The following ZNF516 variants were observed in gnomAD, a reference collection of about 807,000 sequenced individuals.
ZNF516 encodes zinc finger protein 516.
Under a neutral mutation model 79.7 loss-of-function variants are expected in ZNF516, and 19 were observed. The ratio of observed to expected loss-of-function variants is 0.24; its 90% confidence interval spans 0.17 to 0.35. The LOEUF (loss-of-function observed/expected upper bound fraction) is 0.35. Among genes scored for constraint, ZNF516 ranks in the 10% least tolerant of loss-of-function variants. The pLI, the probability that ZNF516 is intolerant of heterozygous loss-of-function variation, is 1.00. For missense variants in ZNF516, 1,678 were observed against 1,679.5 expected, an observed-to-expected ratio of 1.00 and a Z score of 0.02; for synonymous variants, 877 against 739.5, an observed-to-expected ratio of 1.19 and a Z score of -3.02.
intron 1 of ZNF516, among the ~76,000 whole-genome samples, chr18:76,468,112 C>T (rs1913601263): frequency 1.3e-5 from 2 of 152,210 alleles, no homozygotes; most frequent in Non-Finnish European, 2.9e-5. Flanking sequence ...GATTCTCTGG[C>T]TCTGATGGAT....
At position 76,451,369 on chromosome 18, in the gene ZNF516, C is replaced by T. The variant is rs1912402879; in HGVS notation, c.-157-8158G>A. Reference sequence around the variant, plus strand: ...GTCCGCGGGTGCAGGGGGGTGACAGCCCGGTCCTGCGCACATCTCCGCTGA... The same window carrying T: ...GTCCGCGGGTGCAGGGGGGTGACAGTCCGGTCCTGCGCACATCTCCGCTGA... On this transcript the variant is annotated intron_variant, in intron 2 of 6. Transcript: ENST00000443185. This position sits in a 1 kb window ranked among gnomAD's most constrained non-coding sequence, Gnocchi z 6.0. 6.6e-6 allele frequency among the ~76,000 whole-genome samples: 1 copy of T among 152,168 alleles called. No homozygotes were observed. The highest frequency in any genetic ancestry group is 2.4e-5 in the African/African-American group (1 of 41,430).
chr18:76,383,061 C>G (rs1211458567), intron 3 of ZNF516, among the ~76,000 whole-genome samples: 1 of 135,920 alleles, frequency 7.4e-6, no homozygotes, highest in Non-Finnish European at 1.6e-5. Flanking sequence ...AAAAAAAAAG[C>G]GCATGGTCTA....
In ZNF516 at chr18:76,441,961, G is replaced by A. The variant is rs930040861; in HGVS notation, c.1094C>T (p.Thr365Met). ...CGCCCCCTCCTCGGCCGGGGCGCGC[G>A]TGCGGCTGGCCTCGACTCTGCGGTG... ...AIHRRVEASR[T>M]RAPAEEGAEG... The change falls in exon 3 of 7, where the codon ACG (threonine) becomes ATG (methionine). Residue 365 changes from threonine to methionine, a missense_variant. This residue lies in a region of ZNF516 where 1,294 missense variants were observed against 1,248.3 expected (regional missense o/e 1.04). Coordinates refer to ENST00000443185, the MANE Select transcript of ZNF516 (RefSeq NM_014643.4). 10 of 1,612,284 alleles carry A rather than the reference G, an allele frequency of 6.2e-6. No homozygotes were observed. Among genetic ancestry groups the A allele is most frequent in the African/African-American group, 4.0e-5 (3 of 74,934 alleles).
At chr18:76,386,154 C>G (rs571631169) in intron 3 of ZNF516, 1 of 152,342 alleles carries the variant, frequency 6.6e-6, no homozygotes, top group East Asian at 1.9e-4. Context: ...GTCTGCCCAC[C>G]TGGCCTCTCT....
chr18:76,483,059 C>G (rs532830095), intron 1 of ZNF516, among the ~76,000 whole-genome samples: 7 of 152,140 alleles, frequency 4.6e-5, no homozygotes, highest in Non-Finnish European at 8.8e-5. Context: ...GAAAAGAAAT[C>G]TAGGGTGTTG....
rs1404733646 is a variant in ZNF516, at chr18:76,442,730, C to T, written c.325G>A (p.Glu109Lys). 6.3e-7 allele frequency: 1 copy of T among 1,580,574 alleles called. No individual in the cohort carries two copies. The change falls in exon 3 of 7, where the codon GAG becomes AAG. Residue 109 changes from glutamate (E) to lysine (K), a missense_variant. Around this residue, in one of 5 missense-constraint regions of ZNF516, gnomAD observed 279 missense variants for 254.1 expected, o/e 1.10. Transcript: ENST00000443185. ...GGGCTGGCGCAGGCGTCCAGGCCCT[C>T]GGAGGCGCGCATCTCACCCAGCGGC... ...EAPLGEMRAS[E>K]GLDACASPTK...
At chr18:76,378,296 T>C (rs911517269) in intron 4 of ZNF516, 1 of 152,196 alleles carries the variant, frequency 6.6e-6, no homozygotes, top group Non-Finnish European at 1.5e-5. Flanking sequence ...TTCAGGAATT[T>C]TTGCACAAAT....
intron 3 of ZNF516, among the ~76,000 whole-genome samples, chr18:76,409,158 C>T (rs1197295594): frequency 7.1e-6 from 1 of 141,512 alleles, no homozygotes; most frequent in Non-Finnish European, 1.6e-5. Flanking sequence ...AGCAAGAGAA[C>T]GATTCCAGGG....
rs376075184 is a variant in ZNF516 at position 76,379,143 on chromosome 18, C to T, written c.2971G>A (p.Glu991Lys). The part of the protein sequence containing the change: ...QPQGPPPAKG[E>K]GGAPPLPPRE... ...GGAGGTAGAGGAGGAGCGCCCCCTT[C>T]GCCCTTTGCAGGAGGTGGACCCTGA... The change falls in exon 4 of 7, where the codon GAA becomes AAA. Residue 991 changes from glutamate to lysine, a missense_variant. This residue lies in a region of ZNF516 where 1,294 missense variants were observed against 1,248.3 expected (regional missense o/e 1.04). Coordinates refer to ENST00000443185, the MANE Select transcript of ZNF516 (RefSeq NM_014643.4). The T allele has an allele frequency of 6.8e-6, 11 of 1,612,852 alleles. No individual in the cohort carries two copies. The highest frequency in any genetic ancestry group is 1.7e-4 in the Middle Eastern group (1 of 6,060).
At chr18:76,478,987 C>T (rs564076678) in intron 1 of ZNF516, among the ~76,000 whole-genome samples, 2 of 151,408 alleles carry the variant, frequency 1.3e-5, no homozygotes, top group East Asian at 1.9e-4. Context: ...ACCTGGGAGG[C>T]GAAGGTTGCA....
chr18:76,461,540 G>A (rs1913110401), intron 2 of ZNF516, among the ~76,000 whole-genome samples: 1 of 152,226 alleles, frequency 6.6e-6, no homozygotes, highest in African/African-American at 2.4e-5. Flanking sequence ...TTTGGGGGTG[G>A]AAGGAGTCAT....
At chr18:76,422,444 T>C (rs1451614776) in intron 3 of ZNF516, among the ~76,000 whole-genome samples, 1 of 152,148 alleles carries the variant, frequency 6.6e-6, no homozygotes, top group South Asian at 2.1e-4. Context: ...AAGCTAAATG[T>C]AGGATTCAGA....
intron 3 of ZNF516, among the ~76,000 whole-genome samples, chr18:76,384,440 C>A (rs1291901698): frequency 3.0e-5 from 4 of 134,860 alleles, no homozygotes; most frequent in Non-Finnish European, 6.5e-5. Flanking sequence ...GTTCTCACGC[C>A]CCGTCCACGC....
chr18:76,441,340 C>A lies in ZNF516; in HGVS notation c.1715G>T (p.Gly572Val). The A allele has an allele frequency of 6.2e-7, 1 of 1,611,698 alleles. No individual in the cohort carries two copies. The highest frequency in any genetic ancestry group is 8.5e-7 in the Non-Finnish European group (1 of 1,179,510). Residue 572 changes from glycine to valine, a missense_variant, in exon 3 of 7, where the codon GGC (glycine) becomes GTC (valine). Gly to Val is a moderately radical substitution (Grantham distance 109). Coordinates refer to ENST00000443185, the MANE Select transcript of ZNF516 (RefSeq NM_014643.4). The part of the protein sequence containing the change: ...GDSASQPSSP[G>V]SACAAADSPG... ...GGAGTCAGCAGCGGCACAGGCGGAGCCAGGGCTGCTGGGCTGGGAGGCCGA... is the reference window on the plus strand; with the variant it reads ...GGAGTCAGCAGCGGCACAGGCGGAGACAGGGCTGCTGGGCTGGGAGGCCGA...
In ZNF516 at chr18:76,394,723, GC is replaced by G. The variant is rs1259530884; in HGVS notation, c.1811-14421del. The stretch of plus-strand genomic sequence containing the variant: ...GGGGAAGGCAGGTGGTCAGGTGGGG[GC>G]AGGGCGGGTGGTCAGGTGGGGGGAG... On this transcript the variant is annotated intron_variant, in intron 3 of 6. Transcript: ENST00000443185. 2.1e-3 allele frequency among the ~76,000 whole-genome samples: 2 copies of G among 932 alleles called. 1 individual carries two copies. The highest frequency in any genetic ancestry group is 4.5e-3 in the Non-Finnish European group (2 of 444). The allele number at this position is 932 out of a possible 152,430, so 0.6% of individuals were successfully genotyped here. A position where few individuals can be genotyped will look rare whatever the true frequency, so the allele number is the denominator to read the frequency against.
At chr18:76,366,440 G>A (rs181385984) in intron 6 of ZNF516, among the ~76,000 whole-genome samples, 17 of 152,262 alleles carry the variant, frequency 1.1e-4, no homozygotes, top group Admixed American at 3.9e-4. Context: ...TCAAACTCAC[G>A]GTTTTCCTGC....
chr18:76,418,106 G>T (rs146147544), intron 3 of ZNF516, among the ~76,000 whole-genome samples: 88 of 152,230 alleles, frequency 5.8e-4, no homozygotes, highest in African/African-American at 2.1e-3. Context: ...CACTGTAACA[G>T]ACTGTAACAT....
chr18:76,378,169 T>G (rs1464458623), intron 4 of ZNF516: 2 of 152,256 alleles, frequency 1.3e-5, no homozygotes. Flanking sequence ...GGGCACCGCA[T>G]GCAGTGCGCG....
intron 3 of ZNF516, among the ~76,000 whole-genome samples, chr18:76,413,153 T>A (rs1036646280): frequency 4.6e-5 from 7 of 152,318 alleles, no homozygotes; most frequent in East Asian, 1.9e-4. Flanking sequence ...TCCCATTTTT[T>A]AAAAAAGATT....
Sources: gnomAD v4.1 joint callset for allele counts (sites outside exome capture counted in the v4.1 genomes callset) on GRCh38, gnomAD v4.1.1 for gene constraint, gnomAD v4.1.1 regional missense constraint, Gnocchi (gnomAD v3.1) non-coding constraint, MANE v1.5 for transcripts, NCBI Gene and HGNC (gene_info 2026-07-23, HGNC 2026-07-21) for gene names.